HECTD3: variants seen among roughly 807,000 people sequenced by gnomAD.
HECTD3 encodes E3 ubiquitin-protein ligase HECTD3.
A neutral mutation model predicts 109.3 loss-of-function variants in HECTD3; 72 were observed. That is an observed-to-expected ratio of 0.66 (90% confidence interval 0.54 to 0.80). The LOEUF is 0.80. HECTD3 is among the 30% of genes least tolerant of loss of function. The pLI is 0.00. For synonymous variants in HECTD3, 481 were observed against 471.8 expected (o/e 1.02, Z -0.25); for missense variants, 1,041 against 1,165.2 (o/e 0.89, Z 1.55).
Position 45,008,341 on chromosome 1 carries a change from T to C in HECTD3, c.1239-20A>G. ...ATGAATCTGGCATGGGTAGATAGACTGCAGCTAAAGAGTTTAGCATACCTG... is the reference window on the plus strand; with the variant it reads ...ATGAATCTGGCATGGGTAGATAGACCGCAGCTAAAGAGTTTAGCATACCTG... On this transcript the variant is annotated intron_variant, in intron 8 of 20. Transcript: ENST00000372172. The C allele has an allele frequency of 6.2e-7, 1 of 1,602,142 alleles. No individual in the cohort carries two copies. The highest frequency in any genetic ancestry group is 8.6e-7 in the Non-Finnish European group (1 of 1,169,122).
intron 10 of HECTD3, 44 bp from the exon 11 acceptor site, chr1:45,007,315 C>T: frequency 6.2e-7 from 1 of 1,604,028 alleles, no homozygotes; most frequent in Admixed American, 1.7e-5. Flanking sequence ...CAAGACCTGG[C>T]CCTATACTTG....
Position 45,010,872 on chromosome 1 carries a change from G to A in HECTD3, c.369+17C>T. 1 of 1,513,226 alleles carries A rather than the reference G, an allele frequency of 6.6e-7. No individual in the cohort carries two copies. The highest frequency in any genetic ancestry group is 8.8e-7 in the Non-Finnish European group (1 of 1,141,356). 93.7% of individuals were successfully genotyped at this position (1,513,226 alleles called of 1,614,324 possible). Reference sequence around the variant, plus strand: ...CCCAGGGGTCTTTTACCGGGTCCTGGGCAGGGAAGAGCGCACCTTTGTCAG... The same window carrying A: ...CCCAGGGGTCTTTTACCGGGTCCTGAGCAGGGAAGAGCGCACCTTTGTCAG... On this transcript the variant is annotated intron_variant, in intron 1 of 20. Coordinates refer to ENST00000372172, the MANE Select transcript of HECTD3 (RefSeq NM_024602.6).
At chr1:45,008,765 G>T in intron 7 of HECTD3, 64 bp from the exon 8 acceptor site, 1 of 1,509,288 alleles carries the variant, frequency 6.6e-7, no homozygotes, top group Non-Finnish European at 9.1e-7. Flanking sequence ...CCTCAGACCT[G>T]GGACCGGCTC....
chr1:45,006,432 T>C lies in HECTD3; in HGVS notation c.1725+260A>G, dbSNP rs908092065. Among the ~76,000 whole-genome samples, 6 of 151,914 alleles carry C rather than the reference T, an allele frequency of 3.9e-5. No homozygotes were observed. The East Asian group carries it at 5.8e-4, about 15-fold the overall frequency. On this transcript the variant is annotated intron_variant, in intron 13 of 20. Coordinates refer to ENST00000372172, the MANE Select transcript of HECTD3 (RefSeq NM_024602.6). This position sits in a 1 kb window ranked among gnomAD's most constrained non-coding sequence, Gnocchi z 4.7. ...GCGAGTCGCCTGCTTCAGCCTCCCA[T>C]GTAGCTGGGACTACAGGCGCGTGCC...
rs1344552509 is a variant in HECTD3, at chr1:45,007,154, G to A, written c.1556+65C>T. 39 of 1,253,770 alleles carry A rather than the reference G, an allele frequency of 3.1e-5. No homozygotes were observed. The South Asian group carries it at 4.4e-4, about 14-fold the overall frequency. The allele number at this position is 1,253,770 out of a possible 1,614,324, so 77.7% of individuals were successfully genotyped here. A position where few individuals can be genotyped will look rare whatever the true frequency, so the allele number is the denominator to read the frequency against. ...TGTGTGTGTGTGTGTGTGTGTGTGTGTGTTTGTGTGTGTTTGTGTGCACAA... is the reference window on the plus strand; with the variant it reads ...TGTGTGTGTGTGTGTGTGTGTGTGTATGTTTGTGTGTGTTTGTGTGCACAA... On this transcript the variant is annotated intron_variant, in intron 11 of 20. Transcript: ENST00000372172.
In HECTD3 at chr1:45,011,322, G is replaced by A. The variant is rs920811716; in HGVS notation, c.-65C>T. ...CCGGGGAACAGCTGGCGCGACCGCG[G>A]ACAGAGCTTCCCACCACGCCCTTCC... On this transcript the variant is annotated 5_prime_UTR_variant, in exon 1 of 21. Transcript: ENST00000372172. The A allele has an allele frequency of 3.0e-6, 4 of 1,348,664 alleles. No homozygotes were observed. The highest frequency in any genetic ancestry group is 1.8e-5 in the South Asian group (1 of 55,366). 83.5% of individuals were successfully genotyped at this position (1,348,664 alleles called of 1,614,324 possible). A position where few individuals can be genotyped will look rare whatever the true frequency, so the allele number is the denominator to read the frequency against.
chr1:45,010,491 A>C lies in HECTD3; in HGVS notation c.530+55T>G, dbSNP rs959802577. The C allele has an allele frequency of 4.4e-6, 7 of 1,605,402 alleles. No individual in the cohort carries two copies. In the Admixed American group the frequency reaches 1.2e-4, roughly 27 times the overall value. On this transcript the variant is annotated intron_variant, in intron 2 of 20. Transcript: ENST00000372172. ...CCCAGGCTGTGGCTGAAGTGTTCCC[A>C]AGCCCTCCTGGCCCGGCCTTCTGAC...
chr1:45,010,045 C>T lies in HECTD3; in HGVS notation c.700G>A (p.Asp234Asn), dbSNP rs374075313. ...HFLYDHLGKE[D>N]ENLGSVKQYV... ...TGCTTCACGCTACCCAGGTTCTCATCCTCCTTGCCCAGGTGGTCATACAAG... is the reference window on the plus strand; with the variant it reads ...TGCTTCACGCTACCCAGGTTCTCATTCTCCTTGCCCAGGTGGTCATACAAG... Residue 234 changes from aspartate to asparagine, a missense_variant, in exon 4 of 21, where the codon GAT becomes AAT. By Grantham distance (23) the Asp-to-Asn change is conservative. Coordinates refer to ENST00000372172, the MANE Select transcript of HECTD3 (RefSeq NM_024602.6). The T allele has an allele frequency of 9.0e-6, 14 of 1,564,242 alleles. No homozygotes were observed. In the African/African-American group the frequency reaches 1.6e-4, roughly 18 times the overall value.
intron 14 of HECTD3, 40 bp downstream of exon 14, chr1:45,005,956 GC>G: frequency 6.2e-7 from 1 of 1,610,958 alleles, no homozygotes; most frequent in Non-Finnish European, 8.5e-7. Context: ...CCTTCCAAGG[GC>G]CAGGGCTGAT....
At chr1:45,008,416 G>A (rs774873843) in intron 8 of HECTD3, 95 bp from the exon 9 acceptor site, 42 of 1,484,400 alleles carry the variant, frequency 2.8e-5, no homozygotes, top group Non-Finnish European at 3.9e-5. Flanking sequence ...GCAGGACCTG[G>A]GGGCTTCTCT....
In HECTD3 at chr1:45,011,309, T is replaced by A; in HGVS notation, c.-52A>T. On this transcript the variant is annotated 5_prime_UTR_variant, in exon 1 of 21. Transcript: ENST00000372172. ...GAGGCGACCCTGCCCGGGGAACAGCTGGCGCGACCGCGGACAGAGCTTCCC... is the reference window on the plus strand; with the variant it reads ...GAGGCGACCCTGCCCGGGGAACAGCAGGCGCGACCGCGGACAGAGCTTCCC... The A allele has an allele frequency of 7.4e-7, 1 of 1,350,008 alleles. No individual in the cohort carries two copies. The highest frequency in any genetic ancestry group is 9.5e-7 in the Non-Finnish European group (1 of 1,056,232). The allele number at this position is 1,350,008 out of a possible 1,614,324, so 83.6% of individuals were successfully genotyped here. A position where few individuals can be genotyped will look rare whatever the true frequency, so the allele number is the denominator to read the frequency against.
chr1:45,010,312 G>A lies in HECTD3; in HGVS notation c.531-19C>T, dbSNP rs373116326. ...TTCCCACCTGTGGGCACAGAGTAGG[G>A]AGTGGGATGGGGAGACATCAGCGGT... On this transcript the variant is annotated intron_variant, in intron 2 of 20. Coordinates refer to ENST00000372172, the MANE Select transcript of HECTD3 (RefSeq NM_024602.6). 3 of 1,609,376 alleles carry A rather than the reference G, an allele frequency of 1.9e-6. No individual in the cohort carries two copies. The highest frequency in any genetic ancestry group is 2.6e-6 in the Non-Finnish European group (3 of 1,175,954).
At chr1:45,009,268 C>T in intron 6 of HECTD3, 42 bp from the exon 7 acceptor site, 1 of 1,566,480 alleles carries the variant, frequency 6.4e-7, no homozygotes, top group Non-Finnish European at 8.8e-7. Context: ...CCTCCTGCCT[C>T]AGGCCTTCAG....
At chr1:45,007,146 GTGTGTGTGTGTT>G (rs1458889767) in intron 11 of HECTD3, 61 bp downstream of exon 11, 5 of 1,432,006 alleles carry the variant, frequency 3.5e-6, no homozygotes, top group African/African-American at 2.9e-5. Flanking sequence ...GTGTGTGTGT[GTGTGTGTGTGTT>G]TGTGTGTGTT....
chr1:45,011,126 C>T lies in HECTD3; in HGVS notation c.132G>A (p.Pro44=). Residue 44 remains proline (P), a synonymous_variant, in exon 1 of 21, where the codon CCG becomes CCA. Coordinates refer to ENST00000372172, the MANE Select transcript of HECTD3 (RefSeq NM_024602.6). The part of the protein sequence containing the change: ...RPLPAALAFV[P]REVLYKLYKD... ...TGTAAAGCTTGTAGAGCACCTCTCG[C>T]GGCACGAAAGCCAGCGCTGCTGGCA... 2.6e-6 allele frequency: 4 copies of T among 1,511,416 alleles called. No homozygotes were observed. The South Asian group carries it at 3.7e-5, about 14-fold the overall frequency. The allele number at this position is 1,511,416 out of a possible 1,614,324, so 93.6% of individuals were successfully genotyped here. A position where few individuals can be genotyped will look rare whatever the true frequency, so the allele number is the denominator to read the frequency against.
In HECTD3 at chr1:45,003,303, T is replaced by C. The variant is rs192080840; in HGVS notation, c.*189A>G. On this transcript the variant is annotated 3_prime_UTR_variant, in exon 21 of 21. Transcript: ENST00000372172. The surrounding 1 kb of genome is among the most constrained non-coding windows in gnomAD (Gnocchi z 4.7). The stretch of plus-strand genomic sequence containing the variant: ...CCCCAGCACGGGTAGGGCTTGTGGG[T>C]CTGCGGGGCTGGGCCACTAGTGTTA... 1 of 596,522 alleles carries C rather than the reference T, an allele frequency of 1.7e-6. No individual in the cohort carries two copies. The allele number at this position is 596,522 out of a possible 1,614,324, so 37.0% of individuals were successfully genotyped here. A position where few individuals can be genotyped will look rare whatever the true frequency, so the allele number is the denominator to read the frequency against.
At chr1:45,010,466 C>T (rs1644778610) in intron 2 of HECTD3, 80 bp downstream of exon 2, 1 of 1,573,860 alleles carries the variant, frequency 6.4e-7, no homozygotes, top group South Asian at 1.1e-5. Context: ...TCCCACCCAC[C>T]CCAGGCTGTG....
chr1:45,004,155 A>G (rs780950399), intron 17 of HECTD3, 21 bp from the exon 18 acceptor site: 33 of 1,614,034 alleles, frequency 2.0e-5, no homozygotes, highest in Non-Finnish European at 2.7e-5. Flanking sequence ...CAAGGCCAGC[A>G]TTCATTCTTG....
In HECTD3 at chr1:45,003,111, G is replaced by A; in HGVS notation, c.*381C>T. The A allele has an allele frequency of 4.6e-6, 1 of 217,210 alleles. No individual in the cohort carries two copies. The highest frequency in any genetic ancestry group is 9.5e-6 in the Non-Finnish European group (1 of 105,646). The allele number at this position is 217,210 out of a possible 1,614,324, so 13.5% of individuals were successfully genotyped here. On this transcript the variant is annotated 3_prime_UTR_variant, in exon 21 of 21. Coordinates refer to ENST00000372172, the MANE Select transcript of HECTD3 (RefSeq NM_024602.6). This position sits in a 1 kb window ranked among gnomAD's most constrained non-coding sequence, Gnocchi z 4.7. ...ATGTTTTTAGTTGTGAGTCATGGCT[G>A]AAGAAAGCCAGAGAGAAAATAGGAG...
Sources: allele counts gnomAD v4.1 joint callset (sites outside exome capture counted in the v4.1 genomes callset), GRCh38; gene constraint gnomAD v4.1.1; non-coding constraint Gnocchi (gnomAD v3.1); transcripts MANE v1.5; gene names NCBI Gene and HGNC (gene_info 2026-07-23, HGNC 2026-07-21).